PCMT1: variants seen among roughly 807,000 people sequenced by gnomAD.
PCMT1 encodes the protein protein-L-isoaspartate(D-aspartate) O-methyltransferase.
In PCMT1, 9 loss-of-function variants were observed where a neutral mutation model predicts 29.2. That is an observed-to-expected ratio of 0.31 (90% CI 0.19 to 0.54). PCMT1 has a LOEUF of 0.54. Among genes scored for constraint, PCMT1 ranks in the 20% least tolerant of loss-of-function variants. The pLI is 0.95. For synonymous variants in PCMT1, 98 were observed against 97.5 expected, an observed-to-expected ratio of 1.00 and a Z score of -0.03; for missense variants, 184 against 282.2, an observed-to-expected ratio of 0.65 and a Z score of 2.49.
At chr6:149,772,604 G>A (rs1333931389) in intron 2 of PCMT1, 2 of 455,742 alleles carry the variant, frequency 4.4e-6, no homozygotes, top group Admixed American at 2.4e-5. Flanking sequence ...TAGAGGGACT[G>A]TTTTACTAGA....
intron 1 of PCMT1, among the ~76,000 whole-genome samples, chr6:149,762,999 G>T (rs1786888041): frequency 1.8e-5 from 1 of 54,066 alleles, no homozygotes; most frequent in Non-Finnish European, 2.6e-5. Context: ...TGATATATAT[G>T]ATATATATAT....
At chr6:149,774,419 T>G (rs1298178318) in intron 3 of PCMT1, among the ~76,000 whole-genome samples, 1 of 151,378 alleles carries the variant, frequency 6.6e-6, no homozygotes, top group African/African-American at 2.4e-5. Context: ...TTTTGTATTT[T>G]TAGTAGAGAC....
Position 149,808,497 on chromosome 6 carries a change from C to A in PCMT1, c.*38-2119C>A, listed in dbSNP as rs187328515. On this transcript the variant is annotated intron_variant, in intron 7 of 7. Transcript: ENST00000464889. Reference sequence around the variant, plus strand: ...TAATTTTAAAATTCAGGTCTATAAACCTAATTTCTTTTCCTTTTTTAAAGT... The same window carrying A: ...TAATTTTAAAATTCAGGTCTATAAAACTAATTTCTTTTCCTTTTTTAAAGT... Among the ~76,000 whole-genome samples, 747 of 152,120 alleles carry A rather than the reference C, an allele frequency of 4.9e-3. 3 individuals are homozygous for A. The highest frequency in any genetic ancestry group is 3.9e-3 in the Non-Finnish European group (262 of 68,004).
intron 4 of PCMT1, among the ~76,000 whole-genome samples, chr6:149,790,624 AC>A (rs1352312431): frequency 6.7e-6 from 1 of 149,442 alleles, no homozygotes; most frequent in East Asian, 2.0e-4. Context: ...GGGACTCTCT[AC>A]AGTACTTGGT....
chr6:149,798,044 C>G (rs1000223337), intron 6 of PCMT1: 1 of 151,948 alleles, frequency 6.6e-6, no homozygotes, highest in Non-Finnish European at 1.5e-5. Context: ...CTTGTAGTCC[C>G]AGCTACTCAA....
chr6:149,803,433 A>G (rs1562426088), intron 7 of PCMT1, among the ~76,000 whole-genome samples: 4 of 149,194 alleles, frequency 2.7e-5, no homozygotes, highest in Admixed American at 1.4e-4. Flanking sequence ...AACTTTCAGC[A>G]CAGCATGGTT....
chr6:149,758,823 ATGCTTTACCGTAACT>A (rs1257069413), intron 1 of PCMT1, among the ~76,000 whole-genome samples: 8 of 152,198 alleles, frequency 5.3e-5, no homozygotes, highest in Non-Finnish European at 7.3e-5. Flanking sequence ...CTTAGAGAAT[ATGCTTTACCGTAACT>A]TGCCATCACA....
chr6:149,757,530 G>A (rs2115201337), intron 1 of PCMT1, among the ~76,000 whole-genome samples: 1 of 152,276 alleles, frequency 6.6e-6, no homozygotes, highest in South Asian at 2.1e-4. Context: ...TGAAGGGATG[G>A]AGGTGGTTTG....
At position 149,750,072 on chromosome 6, in the gene PCMT1, G is replaced by A. The variant is rs1786239689; in HGVS notation, c.55+116G>A. On this transcript the variant is annotated intron_variant, in intron 1 of 7. Coordinates refer to ENST00000464889, the MANE Select transcript of PCMT1 (RefSeq NM_001360452.2). ...CCCGCGCGCCTGTTGGAGGGCTTCG[G>A]CGCAGAGTTGCCCCGGTAGTCCCGA... is the stretch of plus-strand genomic sequence containing the variant. The A allele has an allele frequency of 2.9e-6, 4 of 1,378,438 alleles. No individual in the cohort carries two copies. In the African/African-American group the frequency reaches 5.9e-5, roughly 20 times the overall value. The allele number at this position is 1,378,438 out of a possible 1,614,324, so 85.4% of individuals were successfully genotyped here.
intron 7 of PCMT1, among the ~76,000 whole-genome samples, chr6:149,807,254 T>TAATA (rs1330053053): frequency 1.3e-5 from 2 of 152,220 alleles, no homozygotes; most frequent in Non-Finnish European, 2.9e-5. Flanking sequence ...TATGGACATG[T>TAATA]AATAGTTGTA....
chr6:149,787,146 C>T lies in PCMT1; in HGVS notation c.193-2808C>T, dbSNP rs547312048. On this transcript the variant is annotated intron_variant, in intron 3 of 7. Transcript: ENST00000464889. Reference sequence around the variant, plus strand: ...TACGAAAACCAGTCAGGTGTGGTGGCGCGCGCCTGCAATCGCAGGCACTCG... The same window carrying T: ...TACGAAAACCAGTCAGGTGTGGTGGTGCGCGCCTGCAATCGCAGGCACTCG... Among the ~76,000 whole-genome samples the T allele has an allele frequency of 1.3e-4, 19 of 146,818 alleles. No individual in the cohort carries two copies. The South Asian group carries it at 2.2e-3, about 17-fold the overall frequency.
chr6:149,767,497 G>C (rs1787139358), intron 1 of PCMT1, among the ~76,000 whole-genome samples: 1 of 152,050 alleles, frequency 6.6e-6, no homozygotes, highest in Non-Finnish European at 1.5e-5. Flanking sequence ...CTGTCACCCA[G>C]GCTAGGGTGC....
intron 5 of PCMT1, 115 bp downstream of exon 5, chr6:149,793,784 T>A: frequency 1.1e-6 from 1 of 887,440 alleles, no homozygotes; most frequent in Non-Finnish European, 1.6e-6. Context: ...CAATCACTTT[T>A]AAGTACTAAA....
At position 149,796,407 on chromosome 6, in the gene PCMT1, T is replaced by G; in HGVS notation, c.419-8T>G. 1 of 1,608,724 alleles carries G rather than the reference T, an allele frequency of 6.2e-7. No individual in the cohort carries two copies. The highest frequency in any genetic ancestry group is 8.5e-7 in the Non-Finnish European group (1 of 1,176,762). On this transcript the variant is annotated splice_polypyrimidine_tract_variant and splice_region_variant and intron_variant, in intron 5 of 7. Transcript: ENST00000464889. ...CAGGTTTTTAAAGCATAGCTGTTTT[T>G]CTTTCAGTGGGGGATGGAAGAATGG... is the stretch of plus-strand genomic sequence containing the variant.
intron 1 of PCMT1, among the ~76,000 whole-genome samples, chr6:149,769,701 C>CA (rs1382418902): frequency 6.6e-6 from 1 of 151,240 alleles, no homozygotes; most frequent in Non-Finnish European, 1.5e-5. Flanking sequence ...TGGGCTCAAG[C>CA]AATTCTCCCA....
chr6:149,794,573 G>A (rs1292764743), intron 5 of PCMT1, among the ~76,000 whole-genome samples: 1 of 151,934 alleles, frequency 6.6e-6, no homozygotes, highest in Non-Finnish European at 1.5e-5. Flanking sequence ...AGCTGAGATC[G>A]CACCACTGAA....
At chr6:149,765,656 T>A (rs1268034133) in intron 1 of PCMT1, 2 of 372,988 alleles carry the variant, frequency 5.4e-6, no homozygotes, top group East Asian at 2.0e-4. Context: ...CTTATTTTTT[T>A]ATTTTTTATT....
chr6:149,806,342 T>G (rs1339470388), intron 7 of PCMT1, among the ~76,000 whole-genome samples: 1 of 152,134 alleles, frequency 6.6e-6, no homozygotes, highest in African/African-American at 2.4e-5. Flanking sequence ...CTAGCTGTTA[T>G]GTAGAGACTA....
At chr6:149,769,424 C>T (rs1338487405) in intron 1 of PCMT1, among the ~76,000 whole-genome samples, 2 of 149,126 alleles carry the variant, frequency 1.3e-5, no homozygotes, top group African/African-American at 2.5e-5. Context: ...AGCAGTTCTC[C>T]CGTCTCAGCC....
Sources: gnomAD v4.1 joint callset for allele counts (sites outside exome capture counted in the v4.1 genomes callset) on GRCh38, gnomAD v4.1.1 for gene constraint, MANE v1.5 for transcripts, NCBI Gene and HGNC (gene_info 2026-07-23, HGNC 2026-07-21) for gene names.